NDC80: variants seen among roughly 807,000 people sequenced by gnomAD.
NDC80 encodes kinetochore protein NDC80 homolog.
Under a neutral mutation model 89.3 loss-of-function variants are expected in NDC80, and 69 were observed. The ratio of observed to expected loss-of-function variants is 0.77; its 90% CI spans 0.64 to 0.94. The LOEUF (loss-of-function observed/expected upper bound fraction) is 0.94. Among genes scored for constraint, NDC80 ranks in the 40% least tolerant of loss-of-function variants. NDC80 has a pLI of 0.00. For synonymous variants in NDC80, 243 were observed against 255.6 expected (o/e 0.95, Z 0.47); for missense variants, 593 against 739.6 (o/e 0.80, Z 2.30).
rs1407428102 is a variant in NDC80 at position 2,612,432 on chromosome 18, G to A, written c.1791+1571G>A. The stretch of plus-strand genomic sequence containing the variant: ...GCCTCCCAAGTAGCTGGGATTACAG[G>A]CATGTGCCACCATGCCCGGCCAGTA... On this transcript the variant is annotated intron_variant, in intron 16 of 16. Transcript: ENST00000261597. Among the ~76,000 whole-genome samples the A allele has an allele frequency of 3.3e-5, 5 of 151,918 alleles. No individual in the cohort carries two copies. The East Asian group carries it at 9.7e-4, about 29-fold the overall frequency.
chr18:2,579,862 C>T (rs2072567297), intron 6 of NDC80, among the ~76,000 whole-genome samples: 1 of 152,158 alleles, frequency 6.6e-6, no homozygotes, highest in Non-Finnish European at 1.5e-5. Flanking sequence ...TTTGAGCATA[C>T]CCATTTTTCC....
rs186283183 is a variant in NDC80 at position 2,574,875 on chromosome 18, T to G, written c.102-114T>G. ...GACTGCTAAACATTTTTATGATTTT[T>G]GAATTATTTTTATAGCTAGTGGGGA... is the stretch of plus-strand genomic sequence containing the variant. On this transcript the variant is annotated intron_variant, in intron 2 of 16. Transcript: ENST00000261597. 2,413 of 678,296 alleles carry G rather than the reference T, an allele frequency of 3.6e-3. 11 individuals carry two copies. The highest frequency in any genetic ancestry group is 5.1e-3 in the Non-Finnish European group (2,033 of 397,304). 42.0% of individuals were successfully genotyped at this position (678,296 alleles called of 1,614,324 possible). A position where few individuals can be genotyped will look rare whatever the true frequency, so the allele number is the denominator to read the frequency against.
At chr18:2,610,653 A>C (rs2072738142) in intron 15 of NDC80, 106 bp from the exon 16 acceptor site, 1 of 587,854 alleles carries the variant, frequency 1.7e-6, no homozygotes, top group Admixed American at 2.6e-5. Flanking sequence ...CACATAAATC[A>C]ATCACAGTTT....
intron 16 of NDC80, 52 bp downstream of exon 16, chr18:2,610,913 G>A (rs376691437): frequency 1.1e-5 from 12 of 1,113,140 alleles, no homozygotes; most frequent in African/African-American, 9.6e-5. Flanking sequence ...TTAAAACTTT[G>A]ATACATTTCT....
rs180773082 is a variant in NDC80, at chr18:2,613,780, G to A, written c.1792-2657G>A. Among the ~76,000 whole-genome samples the A allele has an allele frequency of 1.8e-3, 274 of 152,152 alleles. 2 individuals carry two copies. The highest frequency in any genetic ancestry group is 1.2e-3 in the Non-Finnish European group (79 of 68,004). ...AGATCTTCTCTACATCAAAAGACAC[G>A]GAAAGAGAGTGGAAAGACAAGCCAC... On this transcript the variant is annotated intron_variant, in intron 16 of 16. Transcript: ENST00000261597.
Position 2,601,447 on chromosome 18 carries a change from C to G in NDC80, c.1426C>G (p.Leu476Val). ...AACTGAAGAAGAAATTAATAAAGCCCTAAATAAAAAAATGGGTTTGGAGGA... is the reference window on the plus strand; with the variant it reads ...AACTGAAGAAGAAATTAATAAAGCCGTAAATAAAAAAATGGGTTTGGAGGA... ...NETEEEINKA[L>V]NKKMGLEDTL... is the part of the protein sequence containing the mutation. The change falls in exon 13 of 17, where the codon CTA becomes GTA. Residue 476 changes from leucine to valine, a missense_variant. Coordinates refer to ENST00000261597, the MANE Select transcript of NDC80 (RefSeq NM_006101.3). 1.3e-6 allele frequency: 2 copies of G among 1,518,978 alleles called. No individual in the cohort carries two copies. Among genetic ancestry groups the G allele is most frequent in the South Asian group, 1.3e-5 (1 of 79,348 alleles). The allele number at this position is 1,518,978 out of a possible 1,614,324, so 94.1% of individuals were successfully genotyped here. A position where few individuals can be genotyped will look rare whatever the true frequency, so the allele number is the denominator to read the frequency against.
chr18:2,577,758 T>C lies in NDC80; in HGVS notation c.192T>C (p.His64=), dbSNP rs1408367633. The change falls in exon 4 of 17, where the codon CAT becomes CAC. Residue 64 remains histidine, a synonymous_variant. Transcript: ENST00000261597. ...VSLFGKRTSG[H]GSRNSQLGIF... ...AATATATTTCCAGAACTAGTGGACA[T>C]GGATCCCGGAATAGTCAACTTGGTA... 1 of 1,614,000 alleles carries C rather than the reference T, an allele frequency of 6.2e-7. No individual in the cohort carries two copies.
intron 11 of NDC80, among the ~76,000 whole-genome samples, chr18:2,597,565 T>C (rs2072663225): frequency 6.6e-6 from 1 of 151,874 alleles, no homozygotes; most frequent in Non-Finnish European, 1.5e-5. Flanking sequence ...ACCCCGTCTT[T>C]ACTAAAAATA....
intron 16 of NDC80, among the ~76,000 whole-genome samples, chr18:2,616,065 A>G (rs1004565056): frequency 1.3e-5 from 2 of 152,134 alleles, no homozygotes; most frequent in Non-Finnish European, 2.9e-5. Context: ...TTGCTCTGTG[A>G]CACAGGCTGG....
rs1437022186 is a variant in NDC80 at position 2,578,290 on chromosome 18, AAAAG to A, written c.476+150_476+153del. ...ATATGTAGGATAAATTGAAGAGAAA[AAAAG>A]CAACTGCTTACAAAAAAACAAATAA... is the stretch of plus-strand genomic sequence containing the variant. On this transcript the variant is annotated intron_variant, in intron 5 of 16. Coordinates refer to ENST00000261597, the MANE Select transcript of NDC80 (RefSeq NM_006101.3). 17 of 715,334 alleles carry A rather than the reference AAAAG, an allele frequency of 2.4e-5. No individual in the cohort carries two copies. The East Asian group carries it at 4.4e-4, about 18-fold the overall frequency. 44.3% of individuals were successfully genotyped at this position (715,334 alleles called of 1,614,324 possible). A position where few individuals can be genotyped will look rare whatever the true frequency, so the allele number is the denominator to read the frequency against.
chr18:2,599,897 AGT>A (rs1177420748), intron 12 of NDC80, among the ~76,000 whole-genome samples: 1 of 152,238 alleles, frequency 6.6e-6, no homozygotes, highest in African/African-American at 2.4e-5. Flanking sequence ...TTGAGTGCAT[AGT>A]GTGTTCCAGA....
chr18:2,591,647 A>G (rs1323331302), intron 10 of NDC80, among the ~76,000 whole-genome samples: 2 of 151,678 alleles, frequency 1.3e-5, no homozygotes, highest in African/African-American at 2.4e-5. Flanking sequence ...TATATTAACT[A>G]CTTTACACTT....
chr18:2,600,785 T>A (rs1016454879), intron 12 of NDC80, among the ~76,000 whole-genome samples: 1 of 152,244 alleles, frequency 6.6e-6, no homozygotes, highest in Non-Finnish European at 1.5e-5. Flanking sequence ...CTGTGTTAAA[T>A]GCCACTGAAT....
chr18:2,594,858 G>C (rs1598240833), intron 10 of NDC80: 1 of 152,258 alleles, frequency 6.6e-6, no homozygotes, highest in Non-Finnish European at 1.5e-5. Context: ...TCAATGGAGG[G>C]ATCCTCGATA....
intron 3 of NDC80, chr18:2,577,285 G>A (rs1446478503): frequency 6.5e-6 from 1 of 154,274 alleles, no homozygotes; most frequent in Non-Finnish European, 1.4e-5. Flanking sequence ...CGCGATCTCA[G>A]CTCACTGCAA....
chr18:2,584,059 G>A (rs139108020), intron 6 of NDC80, among the ~76,000 whole-genome samples: 285 of 152,112 alleles, frequency 1.9e-3, no homozygotes, highest in African/African-American at 6.5e-3. Flanking sequence ...AGGCCAAGGC[G>A]GGTGGATCAC....
At chr18:2,598,193 C>T (rs1307099880) in intron 11 of NDC80, among the ~76,000 whole-genome samples, 1 of 152,158 alleles carries the variant, frequency 6.6e-6, no homozygotes, top group Non-Finnish European at 1.5e-5. Flanking sequence ...TTCCTTCACT[C>T]AAATTGATTT....
chr18:2,580,336 CT>C (rs981678012), intron 6 of NDC80, among the ~76,000 whole-genome samples: 58 of 146,654 alleles, frequency 4.0e-4, no homozygotes, highest in Non-Finnish European at 3.6e-4. Context: ...TTCTCTCTCT[CT>C]TTTTTTTTTT....
intron 2 of NDC80, among the ~76,000 whole-genome samples, chr18:2,574,464 G>GTGATACATTGTATCACATAAT (rs1475738716): frequency 6.6e-6 from 1 of 152,122 alleles, no homozygotes; most frequent in Admixed American, 6.5e-5. Flanking sequence ...CAGCATCACT[G>GTGATACATTGTATCACATAAT]TGTACCCCAT....
Sources: allele counts gnomAD v4.1 joint callset (sites outside exome capture counted in the v4.1 genomes callset), GRCh38; gene constraint gnomAD v4.1.1; transcripts MANE v1.5; gene names NCBI Gene and HGNC (gene_info 2026-07-23, HGNC 2026-07-21).